The following SOCS4 variants were observed in gnomAD, a reference collection of about 807,000 sequenced individuals.
The protein encoded by SOCS4 is suppressor of cytokine signaling 4.
Under a neutral mutation model 34.1 loss-of-function variants are expected in SOCS4, and 20 were observed. That is an observed-to-expected ratio of 0.59 (90% CI 0.41 to 0.85). The LOEUF (loss-of-function observed/expected upper bound fraction) is 0.85. Among genes scored for constraint, SOCS4 ranks in the 40% least tolerant of loss-of-function variants. The pLI, the probability that SOCS4 is intolerant of heterozygous loss-of-function variation, is 0.00. For synonymous variants in SOCS4, 180 were observed against 186.4 expected (o/e 0.97, Z 0.28); for missense variants, 479 against 532.4 (o/e 0.90, Z 0.99).
In SOCS4 at chr14:55,046,831, AAT is replaced by A. The variant is rs1421713123; in HGVS notation, c.*2469_*2470del. ...ATTGTTTAAGGGAAAAGAAAAGAGT[AAT>A]AATTTTTTTTAAAACATTAAGGAAT... On this transcript the variant is annotated 3_prime_UTR_variant, in exon 3 of 3. Coordinates refer to ENST00000555846, the MANE Select transcript of SOCS4 (RefSeq NM_199421.2). 1 of 166,776 alleles carries A rather than the reference AAT, an allele frequency of 6.0e-6. No homozygotes were observed. The highest frequency in any genetic ancestry group is 2.4e-5 in the African/African-American group (1 of 41,182). 10.3% of individuals were successfully genotyped at this position (166,776 alleles called of 1,614,324 possible).
intron 2 of SOCS4, among the ~76,000 whole-genome samples, chr14:55,040,602 G>A (rs2042608660): frequency 1.3e-5 from 2 of 151,934 alleles, no homozygotes; most frequent in South Asian, 4.1e-4. Flanking sequence ...AAATTAGCCG[G>A]GCGTGGTGGT....
rs1191961598 is a variant in SOCS4, at chr14:55,048,234, GCTTA to G, written c.*3874_*3877del. 4 of 166,996 alleles carry G rather than the reference GCTTA, an allele frequency of 2.4e-5. No homozygotes were observed. The highest frequency in any genetic ancestry group is 6.5e-5 in the Admixed American group (1 of 15,274). The allele number at this position is 166,996 out of a possible 1,614,324, so 10.3% of individuals were successfully genotyped here. On this transcript the variant is annotated 3_prime_UTR_variant, in exon 3 of 3. Transcript: ENST00000555846. ...TGTGCCCGGCCAAGATCTAACTCAC[GCTTA>G]CTTTTCATTAAAATATTTCTTGTCG... is the stretch of plus-strand genomic sequence containing the variant.
chr14:55,037,440 C>G (rs2042582811), intron 2 of SOCS4, among the ~76,000 whole-genome samples: 1 of 151,058 alleles, frequency 6.6e-6, no homozygotes, highest in African/African-American at 2.4e-5. Flanking sequence ...CCTGGCCTAA[C>G]AATCATATTT....
chr14:55,041,280 A>G (rs2042615788), intron 2 of SOCS4, among the ~76,000 whole-genome samples: 2 of 152,218 alleles, frequency 1.3e-5, no homozygotes, highest in African/African-American at 2.4e-5. Flanking sequence ...ACTTGTTTCA[A>G]ATCCCACTAC....
In SOCS4 at chr14:55,044,017, C is replaced by T. The variant is rs1184873943; in HGVS notation, c.976C>T (p.Arg326Cys). The change falls in exon 3 of 3, where the codon CGC (arginine) becomes TGC (cysteine). Residue 326 changes from arginine (R) to cysteine (C), a missense_variant. Arg to Cys is a radical substitution (Grantham distance 180). Transcript: ENST00000555846. Reference protein sequence around the residue: ...EDYLFSVSFRRYSRSLHARIE... With the variant: ...EDYLFSVSFRCYSRSLHARIE... ...CTATTTATTCTCTGTTAGTTTTAGA[C>T]GCTATAGTCGTTCTCTTCATGCTAG... The T allele has an allele frequency of 4.3e-6, 7 of 1,614,026 alleles. No homozygotes were observed. Among genetic ancestry groups the T allele is most frequent in the Admixed American group, 3.3e-5 (2 of 59,998 alleles).
chr14:55,027,606 G>GAC (rs1275951859), intron 1 of SOCS4, 135 bp downstream of exon 1: 1 of 152,436 alleles, frequency 6.6e-6, no homozygotes. Flanking sequence ...CCAGTTAGCA[G>GAC]ACAGATCTTT....
chr14:55,027,615 T>A (rs937507246), intron 1 of SOCS4, 144 bp downstream of exon 1: 1 of 152,344 alleles, frequency 6.6e-6, no homozygotes, highest in Non-Finnish European at 1.5e-5. Flanking sequence ...AGACAGATCT[T>A]TGAGCATCTT....
In SOCS4 at chr14:55,044,042, G is replaced by T; in HGVS notation, c.1001G>T (p.Arg334Ile). The T allele has an allele frequency of 6.2e-7, 1 of 1,614,124 alleles. No individual in the cohort carries two copies. The highest frequency in any genetic ancestry group is 2.2e-5 in the East Asian group (1 of 44,876). The stretch of plus-strand genomic sequence containing the variant: ...CGCTATAGTCGTTCTCTTCATGCTA[G>T]AATTGAACAGTGGAATCACAACTTT... ...FRRYSRSLHARIEQWNHNFSF... is the reference protein window; with the variant it reads ...FRRYSRSLHAIIEQWNHNFSF... Residue 334 changes from arginine to isoleucine, a missense_variant, in exon 3 of 3, where the codon AGA becomes ATA. By Grantham distance (97) the Arg-to-Ile change is moderately conservative. Coordinates refer to ENST00000555846, the MANE Select transcript of SOCS4 (RefSeq NM_199421.2).
At chr14:55,035,015 C>G (rs538837861) in intron 2 of SOCS4, among the ~76,000 whole-genome samples, 1 of 152,176 alleles carries the variant, frequency 6.6e-6, no homozygotes, top group South Asian at 2.1e-4. Flanking sequence ...TGCACGCCAC[C>G]ACACCCGGCT....
intron 2 of SOCS4, among the ~76,000 whole-genome samples, chr14:55,039,370 C>A (rs1437601398): frequency 6.6e-6 from 1 of 151,904 alleles, no homozygotes; most frequent in East Asian, 1.9e-4. Context: ...CCTGGGAGGT[C>A]GAGGCTGCAG....
rs916694701 is a variant in SOCS4 at position 55,047,262 on chromosome 14, G to A, written c.*2898G>A. On this transcript the variant is annotated 3_prime_UTR_variant, in exon 3 of 3. Transcript: ENST00000555846. ...TAGTCTGGACCAGACACTTAACTGC[G>A]CTTTGGGAATCATCCTGGGCTAATC... 3 of 167,172 alleles carry A rather than the reference G, an allele frequency of 1.8e-5. No individual in the cohort carries two copies. Among genetic ancestry groups the A allele is most frequent in the East Asian group, 1.9e-4 (1 of 5,192 alleles). The allele number at this position is 167,172 out of a possible 1,614,324, so 10.4% of individuals were successfully genotyped here.
At chr14:55,028,064 A>C (rs2042485798) in intron 1 of SOCS4, among the ~76,000 whole-genome samples, 1 of 152,218 alleles carries the variant, frequency 6.6e-6, no homozygotes, top group Non-Finnish European at 1.5e-5. Context: ...CTTATCTTTG[A>C]GAATTTTTCT....
At position 55,043,613 on chromosome 14, in the gene SOCS4, C is replaced by A. The variant is rs2042642110; in HGVS notation, c.572C>A (p.Thr191Asn). 6.2e-7 allele frequency: 1 copy of A among 1,613,984 alleles called. No individual in the cohort carries two copies. Among genetic ancestry groups the A allele is most frequent in the African/African-American group, 1.3e-5 (1 of 74,902 alleles). ...GAAAATATAAACTGTTTCTCACATA[C>A]CAATGTTCAGCCCTGTGTCATAACC... Reference protein sequence around the residue: ...MEENINCFSHTNVQPCVITTD... With the variant: ...MEENINCFSHNNVQPCVITTD... Residue 191 changes from threonine (T) to asparagine (N), a missense_variant, in exon 3 of 3, where the codon ACC becomes AAC. Physicochemically the swap from Thr to Asn is moderately conservative, Grantham distance 65. Coordinates refer to ENST00000555846, the MANE Select transcript of SOCS4 (RefSeq NM_199421.2).
intron 2 of SOCS4, among the ~76,000 whole-genome samples, chr14:55,038,875 C>CCT (rs147940866): frequency 0.01 from 1,527 of 152,258 alleles, 24 homozygotes; most frequent in African/African-American, 0.035. Context: ...TACCTCTGTG[C>CCT]CTGATGTCTG....
intron 2 of SOCS4, among the ~76,000 whole-genome samples, chr14:55,035,522 C>T (rs1237928822): frequency 6.6e-6 from 1 of 152,138 alleles, no homozygotes; most frequent in African/African-American, 2.4e-5. Context: ...AGTAACACTG[C>T]ACTAGAGACA....
Position 55,044,323 on chromosome 14 carries a change from G to A in SOCS4, c.1282G>A (p.Val428Ile). The A allele has an allele frequency of 6.2e-7, 1 of 1,613,092 alleles. No homozygotes were observed. Residue 428 changes from valine to isoleucine, a missense_variant, in exon 3 of 3, where the codon GTT becomes ATT. Coordinates refer to ENST00000555846, the MANE Select transcript of SOCS4 (RefSeq NM_199421.2). ...GAAGGAATATCATTATAAATCAAAA[G>A]TTAGAGTACTCAGGATTGATGCACC... is the stretch of plus-strand genomic sequence containing the variant. The part of the protein sequence containing the change: ...YLKEYHYKSK[V>I]RVLRIDAPEQ...
chr14:55,028,187 T>C (rs2042487774), intron 1 of SOCS4, among the ~76,000 whole-genome samples: 1 of 152,194 alleles, frequency 6.6e-6, no homozygotes, highest in Admixed American at 6.5e-5. Context: ...TTGTGAAAAG[T>C]TGCAAACACA....
chr14:55,028,601 A>G (rs867441647), intron 1 of SOCS4, among the ~76,000 whole-genome samples: 2 of 152,168 alleles, frequency 1.3e-5, no homozygotes, highest in Non-Finnish European at 2.9e-5. Flanking sequence ...CATAAGAAGA[A>G]TCTGCAAATT....
Position 55,044,125 on chromosome 14 carries a change from G to C in SOCS4, c.1084G>C (p.Glu362Gln). ...TTCTCCTGACATTACTGGGCTCCTA[G>C]AACATTATAAGGACCCAAGCGCCTG... ...FHSPDITGLL[E>Q]HYKDPSACMF... Residue 362 changes from glutamate (E) to glutamine (Q), a missense_variant, in exon 3 of 3, where the codon GAA becomes CAA. Physicochemically the swap from Glu to Gln is conservative, Grantham distance 29. Coordinates refer to ENST00000555846, the MANE Select transcript of SOCS4 (RefSeq NM_199421.2). 6.2e-7 allele frequency: 1 copy of C among 1,614,078 alleles called. No homozygotes were observed. Among genetic ancestry groups the C allele is most frequent in the East Asian group, 2.2e-5 (1 of 44,872 alleles).
Sources: allele counts gnomAD v4.1 joint callset (sites outside exome capture counted in the v4.1 genomes callset), GRCh38; gene constraint gnomAD v4.1.1; transcripts MANE v1.5; gene names NCBI Gene and HGNC (gene_info 2026-07-23, HGNC 2026-07-21).